Variants in DOCK6 observed in about 807,000 individuals in gnomAD.
DOCK6 encodes dedicator of cytokinesis 6.
DOCK6 carries 167 observed loss-of-function variants against 230.3 expected under a neutral mutation model. That is an observed-to-expected ratio of 0.73 (90% confidence interval 0.64 to 0.82). The LOEUF is 0.82. DOCK6 is among the 40% of genes least tolerant of loss of function. The pLI, the probability that DOCK6 is intolerant of heterozygous loss-of-function variation, is 0.00. For missense variants in DOCK6, 2,598 were observed against 2,825.8 expected, an observed-to-expected ratio of 0.92 and a Z score of 1.83; for synonymous variants, 1,148 against 1,185.0, an observed-to-expected ratio of 0.97 and a Z score of 0.64.
chr19:11,231,939 G>A (rs1019510921), intron 22 of DOCK6, among the ~76,000 whole-genome samples: 3 of 152,186 alleles, frequency 2.0e-5, no homozygotes, highest in East Asian at 1.9e-4. Flanking sequence ...GTTTGCATGC[G>A]ATTTGCATAT....
chr19:11,258,695 A>C (rs2080236183), intron 1 of DOCK6, among the ~76,000 whole-genome samples: 1 of 151,080 alleles, frequency 6.6e-6, no homozygotes, highest in Non-Finnish European at 1.5e-5. Context: ...AGCCTCCCAA[A>C]GTGCTGGGAT....
At chr19:11,206,484 C>CA (rs1420428616) in intron 39 of DOCK6, 1 of 151,634 alleles carries the variant, frequency 6.6e-6, no homozygotes, top group Non-Finnish European at 1.5e-5. Flanking sequence ...GTGGGAGGAT[C>CA]ACCTGAGCCG....
At chr19:11,225,063 CAA>C (rs770664295) in intron 24 of DOCK6, among the ~76,000 whole-genome samples, 9 of 132,068 alleles carry the variant, frequency 6.8e-5, no homozygotes, top group Admixed American at 7.7e-5. Context: ...GACTCCGTCT[CAA>C]AAAAAAAAAA....
In DOCK6 at chr19:11,235,723, T is replaced by G. The variant is rs749339334; in HGVS notation, c.2429A>C (p.His810Pro). The G allele has an allele frequency of 6.3e-7, 1 of 1,599,090 alleles. No homozygotes were observed. The highest frequency in any genetic ancestry group is 8.5e-7 in the Non-Finnish European group (1 of 1,172,534). ...LGRGAFEAMA[H>P]VVSLVHRSLE... ...GCTCCGGTGAACAAGGCTGACTACA[T>G]GGGCCATTGCTTCAAAGGCTCCACG... The change falls in exon 21 of 48, where the codon CAT (histidine) becomes CCT (proline). Residue 810 changes from histidine to proline, a missense_variant. Transcript: ENST00000294618.
At chr19:11,234,523 T>C (rs2079817184) in intron 21 of DOCK6, among the ~76,000 whole-genome samples, 1 of 144,472 alleles carries the variant, frequency 6.9e-6, no homozygotes, top group Non-Finnish European at 1.5e-5. Context: ...AAAAAAAAAA[T>C]CCAACTCTAT....
intron 6 of DOCK6, among the ~76,000 whole-genome samples, chr19:11,250,559 C>T (rs2080101461): frequency 6.6e-6 from 1 of 152,118 alleles, no homozygotes; most frequent in Non-Finnish European, 1.5e-5. Flanking sequence ...ATCTGCCCAC[C>T]TCAGCCTCCC....
intron 35 of DOCK6, among the ~76,000 whole-genome samples, chr19:11,212,972 G>C (rs1445930576): frequency 3.3e-5 from 5 of 149,636 alleles, no homozygotes; most frequent in African/African-American, 9.9e-5. Flanking sequence ...CTGGCCTCAA[G>C]TGATCCTCTC....
At chr19:11,204,936 G>T (rs928761904) in intron 39 of DOCK6, among the ~76,000 whole-genome samples, 1 of 151,726 alleles carries the variant, frequency 6.6e-6, no homozygotes, top group African/African-American at 2.4e-5. Context: ...GGGAGAAGCA[G>T]TTTTTTTTTC....
chr19:11,216,873 T>TC (rs779991313), intron 30 of DOCK6, 41 bp downstream of exon 30: 2 of 1,605,134 alleles, frequency 1.2e-6, no homozygotes, highest in Middle Eastern at 1.7e-4. Flanking sequence ...GGTACATCCT[T>TC]AGCCTGCCTC....
chr19:11,259,881 C>CTGTTTT (rs2080258323), intron 1 of DOCK6, among the ~76,000 whole-genome samples: 1 of 67,780 alleles, frequency 1.5e-5, no homozygotes, highest in Non-Finnish European at 2.5e-5. Flanking sequence ...CGCGCCCGGC[C>CTGTTTT]TTTTTTTTTT....
chr19:11,261,231 C>T (rs992023776), intron 1 of DOCK6, among the ~76,000 whole-genome samples: 1 of 151,996 alleles, frequency 6.6e-6, no homozygotes. Flanking sequence ...CCCACTCTTT[C>T]CCCCCACAAA....
Position 11,236,425 on chromosome 19 carries a change from G to A in DOCK6, c.2313C>T (p.Pro771=). 6.3e-7 allele frequency: 1 copy of A among 1,589,762 alleles called. No homozygotes were observed. Among genetic ancestry groups the A allele is most frequent in the South Asian group, 1.1e-5 (1 of 87,022 alleles). The change falls in exon 20 of 48, where the codon CCC becomes CCT. Residue 771 remains proline, a synonymous_variant. Transcript: ENST00000294618. This position sits in a 1 kb window ranked among gnomAD's most constrained non-coding sequence, Gnocchi z 5.2. Reference sequence around the variant, plus strand: ...GCACGTGGTGGGAGAAGGCCACAAGGGGTTCGGGGCTGGCCAGGCGCAGTG... The same window carrying A: ...GCACGTGGTGGGAGAAGGCCACAAGAGGTTCGGGGCTGGCCAGGCGCAGTG... The part of the protein sequence containing the change: ...LAALRLASPE[P]LVAFSHHVLD...
chr19:11,213,395 C>T (rs2079427529), intron 34 of DOCK6, 67 bp from the exon 35 acceptor site: 1 of 1,555,200 alleles, frequency 6.4e-7, no homozygotes. Flanking sequence ...GGGGACTGGC[C>T]CAAATGAGGA....
chr19:11,208,406 G>A, intron 39 of DOCK6: 1 of 236,642 alleles, frequency 4.2e-6, no homozygotes, highest in South Asian at 9.6e-5. Flanking sequence ...TCAGCCTCCC[G>A]AGTAGCTGGG....
chr19:11,207,036 T>C (rs1460104195), intron 39 of DOCK6, among the ~76,000 whole-genome samples: 1 of 152,022 alleles, frequency 6.6e-6, no homozygotes, highest in East Asian at 1.9e-4. Context: ...GGTTTCACCA[T>C]GTTGGCCAGG....
Position 11,199,479 on chromosome 19 carries a change from G to C in DOCK6, c.*18C>G. ...CCGGGTGCTGGTTCCTCTAGGTACAGCTTTGGTCCTTGTGGGCTCAGAGGT... is the reference window on the plus strand; with the variant it reads ...CCGGGTGCTGGTTCCTCTAGGTACACCTTTGGTCCTTGTGGGCTCAGAGGT... On this transcript the variant is annotated 3_prime_UTR_variant, in exon 48 of 48. Transcript: ENST00000294618. 6.4e-7 allele frequency: 1 copy of C among 1,574,688 alleles called. No homozygotes were observed. The highest frequency in any genetic ancestry group is 2.3e-5 in the East Asian group (1 of 42,980).
chr19:11,216,887 C>A (rs773444157), intron 30 of DOCK6, 27 bp downstream of exon 30: 1 of 1,611,074 alleles, frequency 6.2e-7, no homozygotes. Context: ...CTGCCTCCTC[C>A]ATCATCTCCT....
At chr19:11,239,202 C>G (rs2079900245) in intron 14 of DOCK6, among the ~76,000 whole-genome samples, 1 of 152,132 alleles carries the variant, frequency 6.6e-6, no homozygotes, top group African/African-American at 2.4e-5. Flanking sequence ...TGGATACTAA[C>G]CAGGCCAATA....
Position 11,243,607 on chromosome 19 carries a change from T to C in DOCK6, c.1208A>G (p.Asn403Ser). Reference protein sequence around the residue: ...PFAWTAVHLANIVSSAGQLDR... With the variant: ...PFAWTAVHLASIVSSAGQLDR... ...CAGCTGCCCAGCGCTGCTCACGATG[T>C]TGGCCAAGTGCACGGCCGTCCAGGC... is the stretch of plus-strand genomic sequence containing the variant. Residue 403 changes from asparagine (N) to serine (S), a missense_variant, in exon 11 of 48, where the codon AAC becomes AGC. Asn to Ser is a conservative substitution (Grantham distance 46, BLOSUM62 1). Transcript: ENST00000294618. The surrounding 1 kb of genome is among the most constrained non-coding windows in gnomAD (Gnocchi z 6.3). 1 of 1,611,356 alleles carries C rather than the reference T, an allele frequency of 6.2e-7. No individual in the cohort carries two copies. The highest frequency in any genetic ancestry group is 8.5e-7 in the Non-Finnish European group (1 of 1,179,218).
Sources: allele counts gnomAD v4.1 joint callset (sites outside exome capture counted in the v4.1 genomes callset), GRCh38; gene constraint gnomAD v4.1.1; non-coding constraint Gnocchi (gnomAD v3.1); transcripts MANE v1.5; gene names NCBI Gene and HGNC (gene_info 2026-07-23, HGNC 2026-07-21).